Variants in MGA observed in about 807,000 individuals in gnomAD.
MGA encodes MAX dimerization protein MGA, also known as MAX gene-associated protein.
Under a neutral mutation model 261.1 loss-of-function variants are expected in MGA, and 40 were observed. The ratio of observed to expected loss-of-function variants is 0.15; its 90% CI spans 0.12 to 0.20. The LOEUF is 0.20. Among genes scored for constraint, MGA ranks in the 10% least tolerant of loss-of-function variants. The pLI, the probability that MGA is intolerant of heterozygous loss-of-function variation, is 1.00. For synonymous variants in MGA, 1,302 were observed against 1,290.6 expected, an observed-to-expected ratio of 1.01 and a Z score of -0.19; for missense variants, 3,397 against 3,630.5, an observed-to-expected ratio of 0.94 and a Z score of 1.65.
At chr15:41,656,344 T>TTCTCTCTCTCTCTC (rs59370765), upstream of MGA, among the ~76,000 whole-genome samples, 1 of 59,982 alleles carries the variant, frequency 1.7e-5, no homozygotes, top group African/African-American at 4.8e-5. Context: ...CTCTCCTCTC[T>TTCTCTCTCTCTCTC]TCTCTCTCTC....
chr15:41,698,835 ACT>A, intron 3 of MGA, 26 bp from the exon 4 acceptor site: 1 of 1,365,420 alleles, frequency 7.3e-7, no homozygotes, highest in Admixed American at 2.5e-5. Context: ...AATATGAACT[ACT>A]ATTTTTTTTT....
At chr15:41,727,444 A>C in intron 10 of MGA, 38 bp downstream of exon 10, 1 of 1,568,972 alleles carries the variant, frequency 6.4e-7, no homozygotes, top group Non-Finnish European at 8.7e-7. Flanking sequence ...CAAGTTACCA[A>C]AGTCATGTGT....
At chr15:41,674,917 C>A in intron 2 of MGA, among the ~76,000 whole-genome samples, 1 of 152,324 alleles carries the variant, frequency 6.6e-6, no homozygotes, top group Non-Finnish European at 1.5e-5. Context: ...ATAGAGAATT[C>A]CAGCTGAATT....
chr15:41,632,359 A>G (rs1484708647), intron 1 of MGA, among the ~76,000 whole-genome samples: 1 of 152,224 alleles, frequency 6.6e-6, no homozygotes, highest in Non-Finnish European at 1.5e-5. Context: ...ATTGCAAGTC[A>G]TGTAGCCTGG....
intron 15 of MGA, among the ~76,000 whole-genome samples, chr15:41,744,411 G>A (rs974194720): frequency 5.9e-5 from 9 of 152,040 alleles, no homozygotes; most frequent in African/African-American, 2.2e-4. Flanking sequence ...CTCCATTTTG[G>A]TCAGGCTGAT....
intron 9 of MGA, among the ~76,000 whole-genome samples, chr15:41,721,382 C>A (rs900584977): frequency 6.6e-6 from 1 of 152,060 alleles, no homozygotes; most frequent in East Asian, 1.9e-4. Context: ...GCACAAAAAT[C>A]GCTTGAACCT....
At chr15:41,660,981 G>A (rs2057366299) in intron 1 of MGA, among the ~76,000 whole-genome samples, 1 of 152,250 alleles carries the variant, frequency 6.6e-6, no homozygotes, top group Non-Finnish European at 1.5e-5. Flanking sequence ...AGAACTCCAA[G>A]GGAAACGGTG....
At position 41,749,225 on chromosome 15, in the gene MGA, C is replaced by A; in HGVS notation, c.5618C>A (p.Ser1873Tyr). 6.2e-7 allele frequency: 1 copy of A among 1,613,846 alleles called. No individual in the cohort carries two copies. Among genetic ancestry groups the A allele is most frequent in the Non-Finnish European group, 8.5e-7 (1 of 1,179,746 alleles). ...AATCCTGTAATTCAAGCTGTTGGGT[C>A]TTCTTCAGCAGTGAATGTTATCACT... The change falls in exon 17 of 24, where the codon TCT becomes TAT. Residue 1873 changes from serine to tyrosine, a missense_variant. Physicochemically the swap from Ser to Tyr is moderately radical, Grantham distance 144. This residue lies in a region of MGA where 1,410 missense variants were observed against 1,386.4 expected (regional missense o/e 1.02). Coordinates refer to ENST00000219905, the MANE Select transcript of MGA (RefSeq NM_001164273.2).
chr15:41,638,853 C>T (rs777840094), intron 1 of MGA, among the ~76,000 whole-genome samples: 9 of 151,728 alleles, frequency 5.9e-5, no homozygotes, highest in Non-Finnish European at 1.0e-4. Context: ...ACCATGCCTG[C>T]GCCACCATGC....
At chr15:41,661,457 C>T (rs756484659) in intron 1 of MGA, among the ~76,000 whole-genome samples, 1 of 151,120 alleles carries the variant, frequency 6.6e-6, no homozygotes, top group Non-Finnish European at 1.5e-5. Context: ...TAGTGTCTTG[C>T]TGTACAGATT....
At chr15:41,757,930 C>A (rs577217386) in intron 19 of MGA, 91 bp downstream of exon 19, 2 of 1,106,662 alleles carry the variant, frequency 1.8e-6, no homozygotes, top group Non-Finnish European at 2.7e-6. Flanking sequence ...ATATTAGCCA[C>A]GATTTTTTCT....
At chr15:41,698,602 G>A (rs918734719) in intron 3 of MGA, among the ~76,000 whole-genome samples, 6 of 152,252 alleles carry the variant, frequency 3.9e-5, no homozygotes, top group African/African-American at 1.4e-4. Flanking sequence ...ATACTTTGAG[G>A]TCAGTTAGCT....
At chr15:41,700,926 G>C (rs997218779) in intron 5 of MGA, among the ~76,000 whole-genome samples, 5 of 152,152 alleles carry the variant, frequency 3.3e-5, no homozygotes, top group African/African-American at 1.2e-4. Flanking sequence ...TTATATGCTG[G>C]TCATTCCGTT....
intron 9 of MGA, among the ~76,000 whole-genome samples, chr15:41,717,542 C>G (rs1413776939): frequency 1.3e-5 from 2 of 152,098 alleles, no homozygotes; most frequent in African/African-American, 4.8e-5. Flanking sequence ...TGGAAAAACT[C>G]TTTAAAAGAC....
At chr15:41,639,259 T>C (rs898937956) in intron 1 of MGA, among the ~76,000 whole-genome samples, 5 of 152,202 alleles carry the variant, frequency 3.3e-5, no homozygotes, top group Non-Finnish European at 7.3e-5. Context: ...TACTATTTTA[T>C]GGCCCCTTCT....
rs575933370 is a variant in MGA at position 41,766,894 on chromosome 15, C to T, written c.8812C>T (p.Leu2938Phe). ...TATTGACTCTGAAATAAAGGATTCC[C>T]TCCTTTCCAACAAGAAAGCTATTGA... The change falls in exon 24 of 24, where the codon CTC (leucine) becomes TTC (phenylalanine). Residue 2938 changes from leucine (L) to phenylalanine (F), a missense_variant. Coordinates refer to ENST00000219905, the MANE Select transcript of MGA (RefSeq NM_001164273.2). 2 of 1,613,992 alleles carry T rather than the reference C, an allele frequency of 1.2e-6. No homozygotes were observed. The highest frequency in any genetic ancestry group is 2.2e-5 in the South Asian group (2 of 91,080).
At chr15:41,704,004 G>C (rs982626384) in intron 5 of MGA, among the ~76,000 whole-genome samples, 29 of 152,036 alleles carry the variant, frequency 1.9e-4, no homozygotes, top group African/African-American at 6.8e-4. Flanking sequence ...GTAGAGATGG[G>C]GTTTTGCCAT....
chr15:41,706,269 T>C (rs2060107730), intron 5 of MGA, among the ~76,000 whole-genome samples: 1 of 149,616 alleles, frequency 6.7e-6, no homozygotes, highest in Non-Finnish European at 1.5e-5. Flanking sequence ...AATAAATATG[T>C]AATACAATAA....
intron 1 of MGA, among the ~76,000 whole-genome samples, chr15:41,653,370 G>A (rs35484767): frequency 0.76 from 112,635 of 149,134 alleles, 43,584 homozygotes; most frequent in East Asian, 0.89. Context: ...CTCCATCTCA[G>A]AAAAAAAAAC....
Sources: allele counts gnomAD v4.1 joint callset (sites outside exome capture counted in the v4.1 genomes callset), GRCh38; gene constraint gnomAD v4.1.1; regional missense constraint gnomAD v4.1.1; transcripts MANE v1.5; gene names NCBI Gene and HGNC (gene_info 2026-07-23, HGNC 2026-07-21).